WWOX: variants seen among roughly 807,000 people sequenced by gnomAD.
WWOX encodes the protein WW domain containing oxidoreductase, also known as WW domain-containing oxidoreductase.
A neutral mutation model predicts 46.2 loss-of-function variants in WWOX; 69 were observed. The ratio of observed to expected loss-of-function variants is 1.49; its 90% confidence interval spans 1.23 to 1.82. The LOEUF is 1.82. WWOX is among the 40% of genes most tolerant of loss of function. The probability of loss-of-function intolerance (pLI) is 0.00; values close to 1 mark genes in which losing one functional copy is unlikely to be tolerated. For missense variants in WWOX, 919 were observed against 542.6 expected (o/e 1.69, Z -6.89); for synonymous variants, 359 against 202.6 (o/e 1.77, Z -6.56).
intron 8 of WWOX, among the ~76,000 whole-genome samples, chr16:78,852,485 C>T (rs2052470601): frequency 6.6e-6 from 1 of 152,146 alleles, no homozygotes; most frequent in African/African-American, 2.4e-5. Context: ...GATTGCCAGC[C>T]AACATGAGCG....
chr16:78,922,675 A>G (rs1208962180), intron 8 of WWOX, among the ~76,000 whole-genome samples: 3 of 151,876 alleles, frequency 2.0e-5, no homozygotes, highest in Non-Finnish European at 4.4e-5. Context: ...CACGACCACC[A>G]GCCTCAGTGA....
chr16:78,192,660 C>T (rs1052264618), intron 5 of WWOX, among the ~76,000 whole-genome samples: 3 of 152,084 alleles, frequency 2.0e-5, no homozygotes, highest in Non-Finnish European at 2.9e-5. Flanking sequence ...CACTGGTGAC[C>T]GTTTGAAATG....
chr16:78,800,951 C>T (rs1353126024), intron 8 of WWOX, among the ~76,000 whole-genome samples: 7 of 71,114 alleles, frequency 9.8e-5, no homozygotes, highest in Non-Finnish European at 1.5e-4. Flanking sequence ...TTTCGAAAAA[C>T]AGAAAAAAAA....
chr16:78,903,799 C>G (rs899858619), intron 8 of WWOX, among the ~76,000 whole-genome samples: 5 of 152,202 alleles, frequency 3.3e-5, no homozygotes, highest in Admixed American at 1.3e-4. Flanking sequence ...CTCAATCATG[C>G]TGAGAGTCCA....
At chr16:79,005,192 C>T (rs2047167223) in intron 8 of WWOX, among the ~76,000 whole-genome samples, 1 of 152,168 alleles carries the variant, frequency 6.6e-6, no homozygotes, top group South Asian at 2.1e-4. Context: ...CTGATGTTTG[C>T]CTGTGGACCT....
At chr16:78,989,656 C>G (rs1022955444) in intron 8 of WWOX, among the ~76,000 whole-genome samples, 2 of 152,120 alleles carry the variant, frequency 1.3e-5, no homozygotes, top group African/African-American at 4.8e-5. Flanking sequence ...AGTTGGGACC[C>G]TTTGCAAGAA....
Position 78,924,728 on chromosome 16 carries a change from G to A in WWOX, c.1057-286880G>A, listed in dbSNP as rs116120851. Among the ~76,000 whole-genome samples, 862 of 152,258 alleles carry A rather than the reference G, an allele frequency of 5.7e-3. 7 individuals are homozygous for A. Among genetic ancestry groups the A allele is most frequent in the African/African-American group, 0.02 (835 of 41,558 alleles). On this transcript the variant is annotated intron_variant, in intron 8 of 8. Coordinates refer to ENST00000566780, the MANE Select transcript of WWOX (RefSeq NM_016373.4). ...AATACCTTGAATAAGTTTATAATCT[G>A]GTCATTCTGTAGAGCTTCCTATATG...
chr16:78,800,095 G>A (rs967213215), intron 8 of WWOX, among the ~76,000 whole-genome samples: 3 of 152,084 alleles, frequency 2.0e-5, no homozygotes, highest in African/African-American at 4.8e-5. Context: ...GAGATGATAC[G>A]TTTGTCACGG....
intron 8 of WWOX, among the ~76,000 whole-genome samples, chr16:79,091,947 A>C (rs2048970684): frequency 6.6e-6 from 1 of 151,486 alleles, no homozygotes; most frequent in Admixed American, 6.6e-5. Flanking sequence ...CGCCCAGCTA[A>C]TTTTTGTATT....
chr16:78,748,519 C>G (rs747201316), intron 8 of WWOX, among the ~76,000 whole-genome samples: 8 of 152,174 alleles, frequency 5.3e-5, no homozygotes, highest in Non-Finnish European at 1.2e-4. Flanking sequence ...TTATTAGGGT[C>G]TTGCCCCATC....
chr16:78,295,174 G>C (rs373551746), intron 5 of WWOX, among the ~76,000 whole-genome samples: 1 of 152,146 alleles, frequency 6.6e-6, no homozygotes, highest in Non-Finnish European at 1.5e-5. Flanking sequence ...TTGAGGTCTT[G>C]GCTGAAGATG....
At chr16:79,005,441 A>G (rs191790287) in intron 8 of WWOX, among the ~76,000 whole-genome samples, 323 of 152,316 alleles carry the variant, frequency 2.1e-3, no homozygotes, top group Middle Eastern at 3.4e-3. Context: ...AGTCAGCAGA[A>G]CTGTATTTTC....
At chr16:78,317,800 C>G (rs1485363343) in intron 5 of WWOX, among the ~76,000 whole-genome samples, 1 of 152,134 alleles carries the variant, frequency 6.6e-6, no homozygotes, top group Non-Finnish European at 1.5e-5. Context: ...TTTATGACAT[C>G]CAAGGACTTG....
chr16:78,651,613 G>T (rs963387831), intron 8 of WWOX, among the ~76,000 whole-genome samples: 1 of 152,176 alleles, frequency 6.6e-6, no homozygotes, highest in Non-Finnish European at 1.5e-5. Context: ...TAGAACCTCA[G>T]TGCTATTGCT....
intron 8 of WWOX, among the ~76,000 whole-genome samples, chr16:78,477,390 C>T (rs146765044): frequency 2.2e-4 from 34 of 151,662 alleles, no homozygotes; most frequent in African/African-American, 6.8e-4. Context: ...TTAATTAAAT[C>T]TATTTCTTTT....
chr16:78,935,424 A>T (rs921310865), intron 8 of WWOX, among the ~76,000 whole-genome samples: 1 of 152,226 alleles, frequency 6.6e-6, no homozygotes, highest in African/African-American at 2.4e-5. Flanking sequence ...CTACACAGCC[A>T]TAAAAAAAGG....
At position 78,271,297 on chromosome 16, in the gene WWOX, C is replaced by T. The variant is rs187324670; in HGVS notation, c.516+107008C>T. On this transcript the variant is annotated intron_variant, in intron 5 of 8. Coordinates refer to ENST00000566780, the MANE Select transcript of WWOX (RefSeq NM_016373.4). ...TTTGCTTAGGTTGAAGGAATGAGTG[C>T]GTGTATCTTGTCAAAGGAAATCACA... 2.0e-4 allele frequency among the ~76,000 whole-genome samples: 30 copies of T among 152,242 alleles called. 1 individual carries two copies. The highest frequency in any genetic ancestry group is 6.5e-4 in the African/African-American group (27 of 41,536).
At chr16:78,652,407 T>TTA (rs2046985677) in intron 8 of WWOX, among the ~76,000 whole-genome samples, 1 of 76,866 alleles carries the variant, frequency 1.3e-5, no homozygotes, top group Non-Finnish European at 2.3e-5. Context: ...AGACTCCGTC[T>TTA]CAAAAAAAAA....
At chr16:78,678,125 G>A (rs745910218) in intron 8 of WWOX, among the ~76,000 whole-genome samples, 1 of 152,220 alleles carries the variant, frequency 6.6e-6, no homozygotes, top group Non-Finnish European at 1.5e-5. Flanking sequence ...GAGAGTGAAT[G>A]AAGGCTTAAG....
Sources: gnomAD v4.1 joint callset for allele counts (sites outside exome capture counted in the v4.1 genomes callset) on GRCh38, gnomAD v4.1.1 for gene constraint, MANE v1.5 for transcripts, NCBI Gene and HGNC (gene_info 2026-07-23, HGNC 2026-07-21) for gene names.